SEPTIN7: variants seen among roughly 807,000 people sequenced by gnomAD.
SEPTIN7 encodes the protein septin 7.
In SEPTIN7, 10 loss-of-function variants were observed where a neutral mutation model predicts 63.3. The observed-to-expected ratio is 0.16, with a 90% CI of 0.10 to 0.27. The LOEUF (loss-of-function observed/expected upper bound fraction) is 0.27. Among genes scored for constraint, SEPTIN7 ranks in the 10% least tolerant of loss-of-function variants. SEPTIN7 has a pLI of 1.00. For missense variants in SEPTIN7, 310 were observed against 521.0 expected, an observed-to-expected ratio of 0.59 and a Z score of 3.94; for synonymous variants, 131 against 165.3, an observed-to-expected ratio of 0.79 and a Z score of 1.59.
At chr7:35,843,706 A>G (rs1001392205) in intron 3 of SEPTIN7, among the ~76,000 whole-genome samples, 2 of 152,216 alleles carry the variant, frequency 1.3e-5, no homozygotes, top group African/African-American at 2.4e-5. Context: ...GCATATGCCT[A>G]CAAGTGTTGC....
chr7:35,863,817 A>T (rs1185299976), intron 4 of SEPTIN7, among the ~76,000 whole-genome samples, 159 bp downstream of exon 4: 2 of 151,274 alleles, frequency 1.3e-5, no homozygotes, highest in Non-Finnish European at 2.9e-5. Flanking sequence ...TAAAAAAAAA[A>T]GTACAGTTCA....
chr7:35,831,443 C>T (rs1468821205), intron 1 of SEPTIN7, 49 bp from the exon 2 acceptor site: 1 of 452,462 alleles, frequency 2.2e-6, no homozygotes. Context: ...TGGATTTCTT[C>T]TGTTGGAATC....
chr7:35,878,278 A>G (rs1786602519), intron 6 of SEPTIN7, among the ~76,000 whole-genome samples: 2 of 151,888 alleles, frequency 1.3e-5, no homozygotes, highest in African/African-American at 2.4e-5. Flanking sequence ...GGCCAAGGAG[A>G]AGGAGGATGA....
the SEPTIN7 span, among the ~76,000 whole-genome samples, chr7:35,914,209 A>G: frequency 1.3e-5 from 2 of 152,246 alleles, no homozygotes; most frequent in Admixed American, 1.3e-4. Flanking sequence ...TAAATAATGC[A>G]CACAAAATAT....
At chr7:35,893,704 T>TA (rs1787788092) in intron 11 of SEPTIN7, among the ~76,000 whole-genome samples, 1 of 152,166 alleles carries the variant, frequency 6.6e-6, no homozygotes, top group East Asian at 1.9e-4. Context: ...AAACATGAAG[T>TA]AAACATTAAA....
chr7:35,867,282 T>A (rs1583589164), intron 4 of SEPTIN7, among the ~76,000 whole-genome samples: 1 of 152,240 alleles, frequency 6.6e-6, no homozygotes, highest in East Asian at 1.9e-4. Context: ...AAAATATTGC[T>A]TACAATGTTG....
intron 12 of SEPTIN7, chr7:35,899,116 T>A (rs1788139895): frequency 6.6e-6 from 1 of 152,112 alleles, no homozygotes; most frequent in Non-Finnish European, 1.5e-5. Context: ...AACTGAACAT[T>A]AAAAATCCAT....
Position 35,823,435 on chromosome 7 carries a change from A to T in SEPTIN7, c.62-8057A>T, listed in dbSNP as rs1299104449. Among the ~76,000 whole-genome samples, 4 of 152,190 alleles carry T rather than the reference A, an allele frequency of 2.6e-5. No homozygotes were observed. The East Asian group carries it at 7.7e-4, about 29-fold the overall frequency. On this transcript the variant is annotated intron_variant, in intron 1 of 13. Transcript: ENST00000350320. ...AGGCTGATCTTGAACTCCTGACCTCAGGTGATCTGCCCGCCTCAGCCTCCC... is the reference window on the plus strand; with the variant it reads ...AGGCTGATCTTGAACTCCTGACCTCTGGTGATCTGCCCGCCTCAGCCTCCC...
intron 3 of SEPTIN7, among the ~76,000 whole-genome samples, chr7:35,845,702 G>A (rs1222470021): frequency 6.6e-6 from 1 of 152,152 alleles, no homozygotes; most frequent in Non-Finnish European, 1.5e-5. Flanking sequence ...GGGTGCACTT[G>A]CTTTATGGTT....
intron 1 of SEPTIN7, among the ~76,000 whole-genome samples, chr7:35,831,151 A>G (rs935053814): frequency 2.6e-5 from 4 of 152,136 alleles, no homozygotes; most frequent in Non-Finnish European, 5.9e-5. Context: ...CCTCAACTGC[A>G]GGGTGCAATA....
At chr7:35,860,673 T>G (rs1170506882) in intron 3 of SEPTIN7, among the ~76,000 whole-genome samples, 1 of 152,232 alleles carries the variant, frequency 6.6e-6, no homozygotes, top group African/African-American at 2.4e-5. Flanking sequence ...ATCATTGCAC[T>G]GCCTTCAGGC....
rs141041239 is a variant in SEPTIN7, at chr7:35,871,909, A to G, written c.277-757A>G. Among the ~76,000 whole-genome samples the G allele has an allele frequency of 3.3e-3, 502 of 152,318 alleles. 2 individuals are homozygous for G. The highest frequency in any genetic ancestry group is 0.012 in the African/African-American group (483 of 41,576). ...GCAGCATATGCCCAGGATGAATGAT[A>G]ATACATCTTCTGATACAGAGCTTGA... is the stretch of plus-strand genomic sequence containing the variant. On this transcript the variant is annotated intron_variant, in intron 4 of 13. Coordinates refer to ENST00000350320, the MANE Select transcript of SEPTIN7 (RefSeq NM_001788.6).
chr7:35,822,947 G>A (rs1332989246), intron 1 of SEPTIN7, among the ~76,000 whole-genome samples: 2 of 151,796 alleles, frequency 1.3e-5, no homozygotes, highest in East Asian at 3.9e-4. Flanking sequence ...GGACATTTTT[G>A]GCCCATGTGT....
chr7:35,895,623 A>G (rs555774579), intron 11 of SEPTIN7, among the ~76,000 whole-genome samples: 1 of 152,322 alleles, frequency 6.6e-6, no homozygotes, highest in Admixed American at 6.5e-5. Context: ...AGCGAATTTT[A>G]CTGTAAATTT....
chr7:35,838,346 CTCCCTCCCTCCCTCCCTCCT>C (rs1222869638), intron 3 of SEPTIN7, among the ~76,000 whole-genome samples: 4 of 4,142 alleles, frequency 9.7e-4, no homozygotes, highest in Non-Finnish European at 8.7e-4. Context: ...CCCTCCCTCC[CTCCCTCCCTCCCTCCCTCCT>C]CCCTCCCTCC....
At chr7:35,911,078 A>C (rs1317500944), downstream of SEPTIN7, among the ~76,000 whole-genome samples, 1 of 152,126 alleles carries the variant, frequency 6.6e-6, no homozygotes, top group Non-Finnish European at 1.5e-5. Flanking sequence ...GAGGACCCCA[A>C]CTGTCACGAG....
At chr7:35,824,682 A>T (rs1450127329) in intron 1 of SEPTIN7, among the ~76,000 whole-genome samples, 1 of 152,192 alleles carries the variant, frequency 6.6e-6, no homozygotes, top group East Asian at 1.9e-4. Flanking sequence ...AGTTACAGAG[A>T]TCTGTCATTT....
intron 1 of SEPTIN7, among the ~76,000 whole-genome samples, chr7:35,830,420 A>C (rs190932439): frequency 6.6e-6 from 1 of 152,246 alleles, no homozygotes; most frequent in East Asian, 1.9e-4. Context: ...AGGAGCTTTA[A>C]AAAATACTGA....
chr7:35,866,855 TG>T (rs1785833288), intron 4 of SEPTIN7, among the ~76,000 whole-genome samples: 1 of 152,230 alleles, frequency 6.6e-6, no homozygotes, highest in Admixed American at 6.5e-5. Flanking sequence ...TTCTCAAACT[TG>T]AGCGCACATC....
Sources: gnomAD v4.1 joint callset for allele counts (sites outside exome capture counted in the v4.1 genomes callset) on GRCh38, gnomAD v4.1.1 for gene constraint, MANE v1.5 for transcripts, NCBI Gene and HGNC (gene_info 2026-07-23, HGNC 2026-07-21) for gene names.